CEP85L: variants seen among roughly 807,000 people sequenced by gnomAD.
CEP85L encodes centrosomal protein 85L.
In CEP85L, 60 loss-of-function variants were observed where a neutral mutation model predicts 100.3. The observed-to-expected ratio is 0.60, with a 90% CI of 0.49 to 0.74. The LOEUF (loss-of-function observed/expected upper bound fraction) is 0.74. Among genes scored for constraint, CEP85L ranks in the 30% least tolerant of loss-of-function variants. The pLI is 0.00. For missense variants in CEP85L, 973 were observed against 936.2 expected (o/e 1.04, Z -0.51); for synonymous variants, 319 against 322.7 (o/e 0.99, Z 0.12).
chr6:118,688,006 G>A (rs892012504), intron 1 of CEP85L, among the ~76,000 whole-genome samples: 13 of 152,114 alleles, frequency 8.5e-5, no homozygotes, highest in Non-Finnish European at 1.6e-4. Flanking sequence ...CATGGCCCAA[G>A]ATTCCATTCC....
At chr6:118,642,054 G>A (rs1444063774) in intron 1 of CEP85L, among the ~76,000 whole-genome samples, 1 of 152,048 alleles carries the variant, frequency 6.6e-6, no homozygotes, top group Non-Finnish European at 1.5e-5. Flanking sequence ...TAAAAAAAAG[G>A]ATGCCAATTA....
chr6:118,498,824 A>C (rs1775092827), intron 5 of CEP85L, among the ~76,000 whole-genome samples: 1 of 152,204 alleles, frequency 6.6e-6, no homozygotes, highest in African/African-American at 2.4e-5. Flanking sequence ...ATTCATCTCA[A>C]GCTCACCTGG....
intron 4 of CEP85L, among the ~76,000 whole-genome samples, chr6:118,519,740 T>C (rs572660025): frequency 1.3e-5 from 2 of 152,180 alleles, no homozygotes; most frequent in East Asian, 3.9e-4. Context: ...GAGTCTTCAC[T>C]GAAGAATTCT....
chr6:118,549,861 A>C lies in CEP85L; in HGVS notation c.1020+15668T>G, dbSNP rs140766707. 3.7e-3 allele frequency among the ~76,000 whole-genome samples: 564 copies of C among 151,994 alleles called. 3 individuals carry two copies. The highest frequency in any genetic ancestry group is 0.013 in the African/African-American group (538 of 41,546). ...TTCTGGATAGAGCAGAAATTATATT[A>C]AACTTACCCTTAGCTCACTAGTATG... is the stretch of plus-strand genomic sequence containing the variant. On this transcript the variant is annotated intron_variant, in intron 3 of 12. Transcript: ENST00000368491.
In CEP85L at chr6:118,684,727, T is replaced by C. The variant is rs187516571; in HGVS notation, c.-28+25309A>G. ...TACATCCTTCTCTCTTAAGACAAGA[T>C]GTAATAGTAACCCATGATCTTGTAA... On this transcript the variant is annotated intron_variant, in intron 1 of 13. Transcript: ENST00000368488. 1.0e-3 allele frequency among the ~76,000 whole-genome samples: 156 copies of C among 152,322 alleles called. 1 individual carries two copies. The highest frequency in any genetic ancestry group is 3.7e-3 in the South Asian group (18 of 4,824).
Position 118,465,526 on chromosome 6 carries a change from G to A in CEP85L, c.2297C>T (p.Thr766Ile), listed in dbSNP as rs1266823431. 1.9e-6 allele frequency: 3 copies of A among 1,613,560 alleles called. No individual in the cohort carries two copies. Among genetic ancestry groups the A allele is most frequent in the African/African-American group, 1.3e-5 (1 of 75,002 alleles). ...TGACAGCTTTTTAGTGAGTGTTTCTGTGCTGTGGTCATTCTCAGTCTCTTC... is the reference window on the plus strand; with the variant it reads ...TGACAGCTTTTTAGTGAGTGTTTCTATGCTGTGGTCATTCTCAGTCTCTTC... ...SAEETENDHS[T>I]ETLTKKLSDV... is the part of the protein sequence containing the mutation. The change falls in exon 13 of 13, where the codon ACA becomes ATA. Residue 766 changes from threonine to isoleucine, a missense_variant. This residue lies in a region of CEP85L where 890 missense variants were observed against 844.5 expected (regional missense o/e 1.05). Transcript: ENST00000368491.
chr6:118,503,761 A>G (rs1775459071), intron 5 of CEP85L, among the ~76,000 whole-genome samples: 2 of 150,920 alleles, frequency 1.3e-5, no homozygotes, highest in African/African-American at 4.9e-5. Flanking sequence ...AACTAGACAC[A>G]GACCTTATAT....
In CEP85L at chr6:118,469,342, C is replaced by T. The variant is rs1306980787; in HGVS notation, c.2023-39G>A. The T allele has an allele frequency of 3.3e-6, 5 of 1,518,146 alleles. No homozygotes were observed. In the African/African-American group the frequency reaches 6.8e-5, roughly 21 times the overall value. 94.0% of individuals were successfully genotyped at this position (1,518,146 alleles called of 1,614,324 possible). A position where few individuals can be genotyped will look rare whatever the true frequency, so the allele number is the denominator to read the frequency against. The stretch of plus-strand genomic sequence containing the variant: ...GAAAACAAACATCAGATTGTTAGAA[C>T]AGAGGAAAGGTACTCAAAGCCATAC... On this transcript the variant is annotated intron_variant, in intron 11 of 12. Coordinates refer to ENST00000368491, the MANE Select transcript of CEP85L (RefSeq NM_001042475.3).
At chr6:118,588,574 A>G (rs1419075315) in intron 2 of CEP85L, among the ~76,000 whole-genome samples, 1 of 152,184 alleles carries the variant, frequency 6.6e-6, no homozygotes, top group Non-Finnish European at 1.5e-5. Flanking sequence ...CTAAGAGAAA[A>G]TGAAGGCTTC....
intron 2 of CEP85L, among the ~76,000 whole-genome samples, chr6:118,607,165 T>C (rs1772282707): frequency 6.6e-6 from 1 of 152,142 alleles, no homozygotes; most frequent in Admixed American, 6.5e-5. Flanking sequence ...CTGGCAAGGC[T>C]TAAATTTGTC....
intron 1 of CEP85L, among the ~76,000 whole-genome samples, chr6:118,678,184 G>A (rs762740340): frequency 4.6e-5 from 7 of 152,216 alleles, no homozygotes; most frequent in Non-Finnish European, 8.8e-5. Flanking sequence ...GAGAAGTTGA[G>A]CTATGATCCA....
At chr6:118,579,390 T>C (rs62663261) in intron 2 of CEP85L, among the ~76,000 whole-genome samples, 20,146 of 151,826 alleles carry the variant, frequency 0.13, 1,734 homozygotes, top group Non-Finnish European at 0.18. Flanking sequence ...AGTGACTTTT[T>C]ACATTTACCA....
In CEP85L at chr6:118,559,214, TTAAGAC is replaced by T. The variant is rs1410877527; in HGVS notation, c.1020+6309_1020+6314del. ...GAGTTTCTTTGTGAAAAGGTCAAGA[TTAAGAC>T]TAAAACTTATTGTTACCATATGTAT... On this transcript the variant is annotated intron_variant, in intron 3 of 12. Transcript: ENST00000368491. The T allele has an allele frequency of 3.2e-5, 25 of 783,638 alleles. No homozygotes were observed. The Admixed American group carries it at 4.1e-4, about 13-fold the overall frequency. The allele number at this position is 783,638 out of a possible 1,614,324, so 48.5% of individuals were successfully genotyped here. A position where few individuals can be genotyped will look rare whatever the true frequency, so the allele number is the denominator to read the frequency against.
chr6:118,631,167 CAA>C (rs1410422580), intron 2 of CEP85L, among the ~76,000 whole-genome samples: 7 of 152,068 alleles, frequency 4.6e-5, no homozygotes, highest in Admixed American at 2.0e-4. Flanking sequence ...TGTGTGGGGA[CAA>C]GAGATATACA....
At chr6:118,696,886 A>T (rs1179352818) in intron 1 of CEP85L, among the ~76,000 whole-genome samples, 1 of 152,182 alleles carries the variant, frequency 6.6e-6, no homozygotes, top group African/African-American at 2.4e-5. Context: ...TTGCTTTGCC[A>T]TCCTGAGCAT....
intron 1 of CEP85L, among the ~76,000 whole-genome samples, chr6:118,661,822 T>C (rs1342227500): frequency 6.6e-6 from 1 of 152,250 alleles, no homozygotes; most frequent in East Asian, 1.9e-4. Context: ...AACTGGGATC[T>C]GTCTATAATG....
chr6:118,614,748 G>A (rs1265044083), intron 2 of CEP85L, among the ~76,000 whole-genome samples: 4 of 152,232 alleles, frequency 2.6e-5, no homozygotes, highest in Admixed American at 1.3e-4. Context: ...GGCTGAGGCA[G>A]GAGAATTGCT....
At chr6:118,469,407 G>A in intron 11 of CEP85L, 104 bp from the exon 12 acceptor site, 1 of 827,492 alleles carries the variant, frequency 1.2e-6, no homozygotes, top group Non-Finnish European at 2.0e-6. Flanking sequence ...CAAAACGATG[G>A]AGTCATATTA....
chr6:118,666,022 T>C (rs977661888), intron 1 of CEP85L, among the ~76,000 whole-genome samples: 3 of 152,188 alleles, frequency 2.0e-5, no homozygotes, highest in African/African-American at 7.2e-5. Context: ...TTAACAAACA[T>C]TTATTTAACT....
Sources: allele counts gnomAD v4.1 joint callset (sites outside exome capture counted in the v4.1 genomes callset), GRCh38; gene constraint gnomAD v4.1.1; regional missense constraint gnomAD v4.1.1; transcripts MANE v1.5; gene names NCBI Gene and HGNC (gene_info 2026-07-23, HGNC 2026-07-21).